Variants in GPHN observed in about 807,000 individuals in gnomAD.
The protein encoded by GPHN is gephyrin.
GPHN carries 17 observed loss-of-function variants against 95.5 expected under a neutral mutation model. The ratio of observed to expected loss-of-function variants is 0.18; its 90% CI spans 0.12 to 0.27. The LOEUF is 0.27. Among genes scored for constraint, GPHN ranks in the 10% least tolerant of loss-of-function variants. The probability of loss-of-function intolerance (pLI) is 1.00; values close to 1 mark genes in which losing one functional copy is unlikely to be tolerated. For missense variants in GPHN, 660 were observed against 978.1 expected (o/e 0.67, Z 4.34); for synonymous variants, 320 against 322.5 (o/e 0.99, Z 0.08).
chr14:67,596,079 GGT>G, the GPHN span, among the ~76,000 whole-genome samples: 1 of 151,922 alleles, frequency 6.6e-6, no homozygotes, highest in Non-Finnish European at 1.5e-5. Context: ...TTTTCCTATT[GGT>G]GTGTGTTTCT....
At chr14:67,702,090 A>G in the GPHN span, among the ~76,000 whole-genome samples, 1 of 152,108 alleles carries the variant, frequency 6.6e-6, no homozygotes, top group Admixed American at 6.5e-5. Context: ...GCATTAGGAT[A>G]ACAGTCATGA....
In GPHN at chr14:67,175,482, A is replaced by C. The variant is rs578088790; in HGVS notation, c.2080-4096A>C. 5.9e-5 allele frequency among the ~76,000 whole-genome samples: 9 copies of C among 152,104 alleles called. No individual in the cohort carries two copies. In the South Asian group the frequency reaches 6.2e-4, roughly 11 times the overall value. ...ATCATGCTGTTTTGGTTACTATAGC[A>C]TTGTAGTATAGTTTGCAGTCAGGTA... On this transcript the variant is annotated intron_variant, in intron 21 of 22. Coordinates refer to ENST00000478722, the MANE Select transcript of GPHN (RefSeq NM_020806.5).
intron 4 of GPHN, among the ~76,000 whole-genome samples, chr14:66,852,063 A>C (rs2062605821): frequency 3.3e-5 from 5 of 152,316 alleles, no homozygotes; most frequent in Middle Eastern, 3.4e-3. Flanking sequence ...AAAATGCAAA[A>C]TGTGTGCAAT....
rs533965592 is a variant in GPHN, at chr14:67,028,738, T to C, written c.1006+5063T>C. 1.1e-4 allele frequency among the ~76,000 whole-genome samples: 17 copies of C among 152,330 alleles called. No individual in the cohort carries two copies. In the South Asian group the frequency reaches 3.3e-3, roughly 30 times the overall value. On this transcript the variant is annotated intron_variant, in intron 10 of 22. Coordinates refer to ENST00000478722, the MANE Select transcript of GPHN (RefSeq NM_020806.5). ...ATTTGGGTTTTTGCTGTTTAGTTGT[T>C]TGAATTCCTTGTATGTTGTGGATAT...
At chr14:66,772,843 G>A (rs2059231095) in intron 2 of GPHN, among the ~76,000 whole-genome samples, 2 of 152,066 alleles carry the variant, frequency 1.3e-5, no homozygotes, top group Non-Finnish European at 2.9e-5. Flanking sequence ...AAATAAATTT[G>A]GTCTTTAAAA....
At chr14:66,522,584 G>C (rs190865777) in intron 1 of GPHN, among the ~76,000 whole-genome samples, 1 of 152,168 alleles carries the variant, frequency 6.6e-6, no homozygotes, top group East Asian at 1.9e-4. Context: ...CCTGAGTTCT[G>C]TTCAACACCT....
At chr14:67,681,989 G>A in the GPHN span, among the ~76,000 whole-genome samples, 4 of 152,144 alleles carry the variant, frequency 2.6e-5, no homozygotes, top group African/African-American at 9.7e-5. Flanking sequence ...ATGGGAGTGG[G>A]TTTGTTCTTG....
chr14:66,960,261 G>A (rs1006148926), intron 8 of GPHN, among the ~76,000 whole-genome samples: 6 of 142,968 alleles, frequency 4.2e-5, no homozygotes, highest in East Asian at 4.2e-4. Flanking sequence ...GACAGTTTCC[G>A]TTCATTTCTT....
chr14:67,090,763 G>A (rs949010893), intron 12 of GPHN, among the ~76,000 whole-genome samples: 34 of 151,976 alleles, frequency 2.2e-4, no homozygotes, highest in African/African-American at 6.5e-4. Context: ...ATTGAGCAAA[G>A]CTCAAGTGAT....
In GPHN at chr14:67,113,004, G is replaced by C. The variant is rs746020808; in HGVS notation, c.1473-14G>C. ...CTCTAATCACACTGCTTATGGTTCT[G>C]CTTTGACTTTCAGACCCATCGGCCA... On this transcript the variant is annotated splice_polypyrimidine_tract_variant and intron_variant, in intron 15 of 22. Transcript: ENST00000478722. 2.5e-6 allele frequency: 4 copies of C among 1,613,112 alleles called. No individual in the cohort carries two copies. Among genetic ancestry groups the C allele is most frequent in the Admixed American group, 3.3e-5 (2 of 59,978 alleles).
chr14:67,701,450 G>A, the GPHN span, among the ~76,000 whole-genome samples: 5 of 96,732 alleles, frequency 5.2e-5, no homozygotes, highest in South Asian at 1.7e-3. Context: ...TTTTTTTTGA[G>A]ATGGAGTCTG....
the GPHN span, among the ~76,000 whole-genome samples, chr14:67,671,537 A>C: frequency 6.6e-6 from 1 of 152,168 alleles, no homozygotes; most frequent in Non-Finnish European, 1.5e-5. Context: ...AAAAAACAAA[A>C]AAAAGAAAGA....
chr14:67,185,381 T>C (rs2083363655), downstream of GPHN, among the ~76,000 whole-genome samples: 1 of 152,210 alleles, frequency 6.6e-6, no homozygotes, highest in South Asian at 2.1e-4. Context: ...TGAACACACT[T>C]TAAGTGAAAA....
At chr14:66,770,640 G>T (rs1049457531) in intron 2 of GPHN, among the ~76,000 whole-genome samples, 2 of 152,004 alleles carry the variant, frequency 1.3e-5, no homozygotes, top group Non-Finnish European at 2.9e-5. Context: ...TTCTGCATTT[G>T]CCACACTATG....
intron 8 of GPHN, among the ~76,000 whole-genome samples, chr14:66,940,935 C>T (rs1457113479): frequency 1.3e-5 from 2 of 152,144 alleles, no homozygotes; most frequent in Admixed American, 1.3e-4. Context: ...TTCATGCTTG[C>T]TAAGATTTGG....
the GPHN span, chr14:67,656,987 A>G: frequency 1.9e-5 from 3 of 155,700 alleles, no homozygotes; most frequent in African/African-American, 7.2e-5. Context: ...CGATAGTGCT[A>G]TGGGCAAACC....
At chr14:67,144,748 G>A (rs1168933843) in intron 18 of GPHN, among the ~76,000 whole-genome samples, 1 of 152,176 alleles carries the variant, frequency 6.6e-6, no homozygotes, top group East Asian at 1.9e-4. Flanking sequence ...GAACTCTGTT[G>A]GCTCGGAGAA....
the GPHN span, among the ~76,000 whole-genome samples, chr14:67,410,050 C>T: frequency 1.3e-5 from 2 of 152,138 alleles, no homozygotes; most frequent in Admixed American, 1.3e-4. Flanking sequence ...TCAGCCAAGC[C>T]CCGTCTTTTC....
the GPHN span, among the ~76,000 whole-genome samples, chr14:67,274,943 G>A: frequency 6.6e-6 from 1 of 152,178 alleles, no homozygotes; most frequent in Non-Finnish European, 1.5e-5. Flanking sequence ...TGGTGTATAA[G>A]AATGCTTGTG....
Sources: allele counts gnomAD v4.1 joint callset (sites outside exome capture counted in the v4.1 genomes callset), GRCh38; gene constraint gnomAD v4.1.1; transcripts MANE v1.5; gene names NCBI Gene and HGNC (gene_info 2026-07-23, HGNC 2026-07-21).